RBL1: variants seen among roughly 807,000 people sequenced by gnomAD.
The protein encoded by RBL1 is retinoblastoma-like protein 1.
Under a neutral mutation model 123.0 loss-of-function variants are expected in RBL1, and 82 were observed. The observed-to-expected ratio is 0.67, with a 90% CI of 0.56 to 0.80. The LOEUF is 0.80. RBL1 is among the 30% of genes least tolerant of loss of function. RBL1 has a pLI of 0.00. For synonymous variants in RBL1, 405 were observed against 441.3 expected, an observed-to-expected ratio of 0.92 and a Z score of 1.03; for missense variants, 1,171 against 1,299.6, an observed-to-expected ratio of 0.90 and a Z score of 1.52.
intron 21 of RBL1, among the ~76,000 whole-genome samples, chr20:37,000,949 G>A (rs1290100032): frequency 2.8e-5 from 4 of 144,324 alleles, no homozygotes; most frequent in South Asian, 4.4e-4. Flanking sequence ...GGTGAGGGGC[G>A]CCTCTGCCCG....
intron 21 of RBL1, among the ~76,000 whole-genome samples, chr20:36,999,424 G>GTCTCCCTCCTCTCCC (rs373060715): frequency 6.8e-5 from 10 of 147,038 alleles, no homozygotes; most frequent in Admixed American, 1.3e-4. Flanking sequence ...TAAGCTTCCC[G>GTCTCCCTCCTCTCCC]TCTCCCTCCT....
chr20:37,072,443 G>A (rs535994279), intron 2 of RBL1, among the ~76,000 whole-genome samples: 2 of 152,218 alleles, frequency 1.3e-5, no homozygotes, highest in East Asian at 1.9e-4. Context: ...CGGAAGTTGC[G>A]GTGAGCTGAG....
intron 17 of RBL1, 29 bp from the exon 18 acceptor site, chr20:37,020,759 ACTG>A (rs1568829840): frequency 1.4e-6 from 2 of 1,453,602 alleles, no homozygotes; most frequent in Non-Finnish European, 1.9e-6. Context: ...GCATTTATCA[ACTG>A]CTTTTTGAAA....
rs564817259 is a variant in RBL1, at chr20:37,016,907, T to G, written c.2722+1372A>C. On this transcript the variant is annotated intron_variant, in intron 19 of 21. Transcript: ENST00000373664. ...TCAGAAAAGAAAAGAAAAGAAAAAA[T>G]AAAAGAGAAAGGAGGGCAGGGGAGG... 2.2e-4 allele frequency among the ~76,000 whole-genome samples: 15 copies of G among 69,228 alleles called. No homozygotes were observed. The South Asian group carries it at 4.7e-3, about 21-fold the overall frequency. The allele number at this position is 69,228 out of a possible 152,430, so 45.4% of individuals were successfully genotyped here.
chr20:37,063,334 A>T (rs1312394389), intron 7 of RBL1, among the ~76,000 whole-genome samples: 1 of 151,520 alleles, frequency 6.6e-6, no homozygotes, highest in Non-Finnish European at 1.5e-5. Context: ...AGTCACTTCG[A>T]GCTTGGCTGA....
intron 9 of RBL1, among the ~76,000 whole-genome samples, chr20:37,059,795 G>C (rs1436068452): frequency 6.6e-6 from 1 of 151,972 alleles, no homozygotes; most frequent in Non-Finnish European, 1.5e-5. Flanking sequence ...TATTAGGAAA[G>C]AAGGTTCTCT....
intron 7 of RBL1, 79 bp downstream of exon 7, chr20:37,065,345 T>C (rs1336432138): frequency 4.5e-6 from 5 of 1,113,376 alleles, no homozygotes; most frequent in Non-Finnish European, 6.5e-6. Context: ...TGATATACTG[T>C]TATGCTTAAC....
At chr20:37,001,146 C>T (rs1389263685) in intron 21 of RBL1, among the ~76,000 whole-genome samples, 1 of 149,918 alleles carries the variant, frequency 6.7e-6, no homozygotes, top group Non-Finnish European at 1.5e-5. Flanking sequence ...CCCCGCCCGG[C>T]CAGCCGCCCC....
At chr20:37,084,894 T>C (rs1454564992) in intron 2 of RBL1, among the ~76,000 whole-genome samples, 3 of 151,852 alleles carry the variant, frequency 2.0e-5, no homozygotes, top group Non-Finnish European at 4.4e-5. Context: ...GCCTCCCGAG[T>C]AGCTGGGATT....
intron 2 of RBL1, among the ~76,000 whole-genome samples, chr20:37,074,144 A>G (rs1279574563): frequency 1.3e-5 from 2 of 151,402 alleles, no homozygotes; most frequent in African/African-American, 2.4e-5. Context: ...CTGGCATGGT[A>G]GCTTACACCT....
At chr20:37,080,485 A>C (rs1420897467) in intron 2 of RBL1, among the ~76,000 whole-genome samples, 3 of 135,458 alleles carry the variant, frequency 2.2e-5, no homozygotes, top group Non-Finnish European at 4.8e-5. Context: ...TTGAGATGGA[A>C]TCTCACTTTG....
intron 14 of RBL1, among the ~76,000 whole-genome samples, chr20:37,039,043 G>A (rs575088476): frequency 6.6e-6 from 1 of 152,254 alleles, no homozygotes; most frequent in African/African-American, 2.4e-5. Context: ...GATTTGTTAA[G>A]GGATACTATG....
At chr20:37,072,856 T>C (rs2065303950) in intron 2 of RBL1, among the ~76,000 whole-genome samples, 1 of 152,220 alleles carries the variant, frequency 6.6e-6, no homozygotes, top group Admixed American at 6.5e-5. Context: ...AGCATCCTTT[T>C]GTTCCTGGCC....
intron 21 of RBL1, among the ~76,000 whole-genome samples, chr20:36,999,526 C>T (rs1297959921): frequency 6.7e-6 from 1 of 148,688 alleles, no homozygotes; most frequent in Non-Finnish European, 1.5e-5. Flanking sequence ...TTTCCACGGT[C>T]TCCCCCTGAT....
intron 16 of RBL1, among the ~76,000 whole-genome samples, chr20:37,030,925 A>G (rs2064501619): frequency 6.6e-6 from 1 of 151,860 alleles, no homozygotes; most frequent in Admixed American, 6.6e-5. Flanking sequence ...ACATGCCTGT[A>G]GTCCTAGCTG....
chr20:37,076,348 C>T (rs1003453083), intron 2 of RBL1, among the ~76,000 whole-genome samples: 3 of 152,226 alleles, frequency 2.0e-5, no homozygotes, highest in East Asian at 1.9e-4. Context: ...ACAATTATAA[C>T]AATTTACTAT....
chr20:37,060,478 A>G (rs1324669222), intron 9 of RBL1, among the ~76,000 whole-genome samples: 1 of 152,130 alleles, frequency 6.6e-6, no homozygotes, highest in Non-Finnish European at 1.5e-5. Flanking sequence ...AACATTATAT[A>G]TAATTTTTTT....
intron 11 of RBL1, among the ~76,000 whole-genome samples, chr20:37,048,823 G>A (rs1415241169): frequency 1.3e-5 from 2 of 151,514 alleles, no homozygotes; most frequent in Non-Finnish European, 2.9e-5. Flanking sequence ...CAGGTACTTG[G>A]GAAACTGGGG....
chr20:37,085,647 A>ATTTTTTT (rs1202673380), intron 2 of RBL1, among the ~76,000 whole-genome samples: 426 of 84,568 alleles, frequency 5.0e-3, no homozygotes, highest in African/African-American at 5.8e-3. Flanking sequence ...TTGAAATTTG[A>ATTTTTTT]TTTTTTTTTT....
Sources: gnomAD v4.1 joint callset for allele counts (sites outside exome capture counted in the v4.1 genomes callset) on GRCh38, gnomAD v4.1.1 for gene constraint, MANE v1.5 for transcripts, NCBI Gene and HGNC (gene_info 2026-07-23, HGNC 2026-07-21) for gene names.